The following NRXN3 variants were observed in gnomAD, a reference collection of about 807,000 sequenced individuals.
NRXN3 encodes neurexin III.
In NRXN3, 32 loss-of-function variants were observed where a neutral mutation model predicts 137.6. The ratio of observed to expected loss-of-function variants is 0.23; its 90% CI spans 0.18 to 0.31. The LOEUF (loss-of-function observed/expected upper bound fraction) is 0.31. NRXN3 is among the 10% of genes least tolerant of loss of function. The probability of loss-of-function intolerance (pLI) is 1.00; values close to 1 mark genes in which losing one functional copy is unlikely to be tolerated. For missense variants in NRXN3, 1,574 were observed against 2,062.5 expected, an observed-to-expected ratio of 0.76 and a Z score of 4.59; for synonymous variants, 798 against 784.5, an observed-to-expected ratio of 1.02 and a Z score of -0.29.
intron 4 of NRXN3, among the ~76,000 whole-genome samples, chr14:78,615,821 C>A (rs1246043879): frequency 1.3e-5 from 2 of 152,122 alleles, no homozygotes; most frequent in Non-Finnish European, 2.9e-5. Context: ...GTGGCATATG[C>A]CTGTAGTCCT....
intron 10 of NRXN3, among the ~76,000 whole-genome samples, chr14:78,863,567 AAATTTC>A (rs762436486): frequency 9.9e-5 from 15 of 152,096 alleles, no homozygotes; most frequent in South Asian, 2.1e-4. Flanking sequence ...ATGTTTAGCC[AAATTTC>A]AATTAAAATT....
At chr14:79,779,190 C>T (rs762652368) in intron 19 of NRXN3, among the ~76,000 whole-genome samples, 7 of 152,252 alleles carry the variant, frequency 4.6e-5, no homozygotes, top group Middle Eastern at 3.4e-3. Flanking sequence ...CTTGGCTCAC[C>T]GCAACCTCTA....
At chr14:78,361,211 G>C (rs2085063549) in intron 4 of NRXN3, among the ~76,000 whole-genome samples, 2 of 152,144 alleles carry the variant, frequency 1.3e-5, no homozygotes, top group African/African-American at 4.8e-5. Flanking sequence ...TCCCACCCCA[G>C]ATCAATGAAA....
At chr14:78,831,630 A>G (rs935067657) in intron 10 of NRXN3, among the ~76,000 whole-genome samples, 1 of 151,430 alleles carries the variant, frequency 6.6e-6, no homozygotes, top group Admixed American at 6.6e-5. Context: ...GAATATCAAC[A>G]TCTGTTGCTC....
intron 3 of NRXN3, among the ~76,000 whole-genome samples, chr14:78,292,784 G>T (rs2075933807): frequency 6.6e-6 from 1 of 152,074 alleles, no homozygotes; most frequent in Non-Finnish European, 1.5e-5. Flanking sequence ...ATGAGCCCCC[G>T]TTTTAGCCTG....
intron 4 of NRXN3, among the ~76,000 whole-genome samples, chr14:78,450,599 G>A (rs1304958173): frequency 6.6e-6 from 1 of 152,228 alleles, no homozygotes; most frequent in Non-Finnish European, 1.5e-5. Context: ...AGCCTGGTAG[G>A]TTGGGGCAGG....
At chr14:78,453,507 A>T (rs574508112) in intron 4 of NRXN3, among the ~76,000 whole-genome samples, 3 of 152,352 alleles carry the variant, frequency 2.0e-5, no homozygotes, top group African/African-American at 7.2e-5. Flanking sequence ...CTGATCCAAC[A>T]TAAGAGAGCA....
intron 15 of NRXN3, among the ~76,000 whole-genome samples, chr14:79,246,511 A>G (rs1213340005): frequency 2.6e-5 from 4 of 152,076 alleles, no homozygotes; most frequent in Non-Finnish European, 5.9e-5. Flanking sequence ...TTTATCTAGC[A>G]TAAACCTCAC....
chr14:78,331,223 A>T (rs576817667), intron 4 of NRXN3, among the ~76,000 whole-genome samples: 21 of 152,192 alleles, frequency 1.4e-4, no homozygotes, highest in Non-Finnish European at 3.1e-4. Flanking sequence ...TTAAACCTTC[A>T]CTAAAGTTTG....
intron 19 of NRXN3, among the ~76,000 whole-genome samples, chr14:79,705,860 C>T (rs763487121): frequency 6.6e-5 from 10 of 151,988 alleles, no homozygotes; most frequent in Non-Finnish European, 1.0e-4. Flanking sequence ...GTTTATTGTC[C>T]CTATTTAGTA....
intron 20 of NRXN3, among the ~76,000 whole-genome samples, chr14:79,832,532 A>G (rs1293022649): frequency 6.6e-6 from 1 of 152,096 alleles, no homozygotes; most frequent in African/African-American, 2.4e-5. Context: ...TTGTCTGGAG[A>G]TGTTTTTGAT....
chr14:79,095,468 C>CTTCA (rs1050946317), intron 15 of NRXN3, among the ~76,000 whole-genome samples: 26 of 152,102 alleles, frequency 1.7e-4, no homozygotes, highest in African/African-American at 2.6e-4. Context: ...TATCAAGGAA[C>CTTCA]TTCATTCATT....
At chr14:79,051,153 C>T (rs568106276) in intron 15 of NRXN3, among the ~76,000 whole-genome samples, 74 of 152,162 alleles carry the variant, frequency 4.9e-4, no homozygotes, top group African/African-American at 1.8e-3. Flanking sequence ...GTTCTAGCAG[C>T]CACACAGTAA....
chr14:79,088,439 G>T (rs1282359606), intron 15 of NRXN3, among the ~76,000 whole-genome samples: 1 of 145,504 alleles, frequency 6.9e-6, no homozygotes, highest in African/African-American at 2.8e-5. Flanking sequence ...TGACAGCAAA[G>T]GTTTGAACAC....
intron 19 of NRXN3, among the ~76,000 whole-genome samples, chr14:79,746,022 A>G (rs2098978511): frequency 6.6e-6 from 1 of 152,074 alleles, no homozygotes; most frequent in South Asian, 2.1e-4. Context: ...AAATAACTTC[A>G]CATTCTGAGG....
intron 15 of NRXN3, among the ~76,000 whole-genome samples, chr14:79,325,554 C>A (rs2090728532): frequency 6.6e-6 from 1 of 152,196 alleles, no homozygotes. Flanking sequence ...ACCTGCTAAT[C>A]CCCATGGTCA....
At chr14:78,983,095 T>C (rs2153051565) in intron 14 of NRXN3, among the ~76,000 whole-genome samples, 1 of 152,226 alleles carries the variant, frequency 6.6e-6, no homozygotes, top group African/African-American at 2.4e-5. Context: ...GATATCACCT[T>C]GCACCTATTA....
chr14:79,217,092 A>C (rs2068649899), intron 15 of NRXN3, among the ~76,000 whole-genome samples: 1 of 152,040 alleles, frequency 6.6e-6, no homozygotes, highest in South Asian at 2.1e-4. Context: ...AGCTGAGATC[A>C]CACCACTGCA....
In NRXN3 at chr14:79,131,768, T is replaced by A. The variant is rs186855422; in HGVS notation, c.3262+143627T>A. ...AAGCCTGGGCAATGGCGAGTGCCCC[T>A]CCCCCAGCCTTGCTGCCACCTTGCA... On this transcript the variant is annotated intron_variant, in intron 15 of 20. Transcript: ENST00000335750. 1.4e-4 allele frequency among the ~76,000 whole-genome samples: 21 copies of A among 152,310 alleles called. No individual in the cohort carries two copies. The East Asian group carries it at 4.1e-3, about 30-fold the overall frequency.
Sources: gnomAD v4.1 joint callset for allele counts (sites outside exome capture counted in the v4.1 genomes callset) on GRCh38, gnomAD v4.1.1 for gene constraint, MANE v1.5 for transcripts, NCBI Gene and HGNC (gene_info 2026-07-23, HGNC 2026-07-21) for gene names.